Variants in RBFOX2 observed in about 807,000 individuals in gnomAD.
RBFOX2 encodes RNA binding protein fox-1 homolog 2.
In RBFOX2, 10 loss-of-function variants were observed where a neutral mutation model predicts 49.1. That is an observed-to-expected ratio of 0.20 (90% CI 0.13 to 0.35). The LOEUF (loss-of-function observed/expected upper bound fraction) is 0.35, where lower values mean the gene tolerates loss of function less well. Ranked by LOEUF, RBFOX2 falls within the 10% of genes least tolerant of loss-of-function variation. The probability of loss-of-function intolerance (pLI) is 1.00; values close to 1 mark genes in which losing one functional copy is unlikely to be tolerated. For missense variants in RBFOX2, 323 were observed against 486.9 expected (o/e 0.66, Z 3.17); for synonymous variants, 183 against 187.4 (o/e 0.98, Z 0.19).
exon 2 of RBFOX2, chr22:35,809,801 G>A: frequency 1.9e-6 from 3 of 1,613,900 alleles, no homozygotes; most frequent in Non-Finnish European, 2.5e-6. Flanking sequence ...CATTTTGTGT[G>A]CTGGGTGAGT....
intron 1 of RBFOX2, among the ~76,000 whole-genome samples, chr22:35,899,059 G>A (rs576988508): frequency 9.2e-5 from 14 of 151,878 alleles, no homozygotes; most frequent in Admixed American, 2.6e-4. Flanking sequence ...CAGAGGTTGC[G>A]GTGAGCCGAG....
In RBFOX2 at chr22:35,930,132, G is replaced by A. The variant is rs539190188; in HGVS notation, c.-34+8715C>T. On this transcript the variant is annotated intron_variant, in intron 1 of 13. Coordinates refer to the RBFOX2 transcript ENST00000359369. ...CGCCTCCTGGGTTCAAGCGATTCTC[G>A]TGCCTCAGCTCCCAAGTAGCTGGGA... Among the ~76,000 whole-genome samples, 4 of 146,808 alleles carry A rather than the reference G, an allele frequency of 2.7e-5. No individual in the cohort carries two copies. In the South Asian group the frequency reaches 8.5e-4, roughly 31 times the overall value.
At chr22:36,006,801 A>G (rs1469626083) in intron 1 of RBFOX2, among the ~76,000 whole-genome samples, 1 of 152,170 alleles carries the variant, frequency 6.6e-6, no homozygotes, top group African/African-American at 2.4e-5. Flanking sequence ...CTTCTGCAGA[A>G]TGTTCTCCAA....
chr22:35,907,031 T>C (rs893854186), intron 1 of RBFOX2, among the ~76,000 whole-genome samples: 1 of 152,200 alleles, frequency 6.6e-6, no homozygotes, highest in African/African-American at 2.4e-5. Flanking sequence ...TTGGAAAACA[T>C]GGCAAAGACT....
intron 2 of RBFOX2, among the ~76,000 whole-genome samples, chr22:35,782,737 G>T (rs981452540): frequency 1.4e-4 from 21 of 152,186 alleles, no homozygotes; most frequent in Non-Finnish European, 2.9e-5. Flanking sequence ...TGCATTGAGA[G>T]AATCTAACTG....
chr22:35,849,451 T>A (rs1569380421), intron 1 of RBFOX2, among the ~76,000 whole-genome samples: 1 of 152,130 alleles, frequency 6.6e-6, no homozygotes, highest in Non-Finnish European at 1.5e-5. Context: ...CAAAAAGCAC[T>A]GGGAAAGCTA....
upstream of RBFOX2, among the ~76,000 whole-genome samples, chr22:35,842,318 G>A (rs1382095413): frequency 6.6e-6 from 1 of 152,060 alleles, no homozygotes; most frequent in Non-Finnish European, 1.5e-5. Flanking sequence ...TAGGAAAAAC[G>A]CTGAGTAAAG....
At chr22:35,855,013 T>C (rs2042351656) in intron 1 of RBFOX2, among the ~76,000 whole-genome samples, 1 of 152,200 alleles carries the variant, frequency 6.6e-6, no homozygotes, top group African/African-American at 2.4e-5. Flanking sequence ...AGAAATTCCA[T>C]GCATGGATCA....
chr22:35,812,871 C>A (rs1478806637), intron 1 of RBFOX2, among the ~76,000 whole-genome samples: 2 of 152,204 alleles, frequency 1.3e-5, no homozygotes, highest in African/African-American at 4.8e-5. Context: ...AGTATGAATT[C>A]TCTCACAGCG....
intron 1 of RBFOX2, among the ~76,000 whole-genome samples, chr22:35,881,429 A>G (rs1274101693): frequency 6.6e-6 from 1 of 151,890 alleles, no homozygotes; most frequent in African/African-American, 2.4e-5. Context: ...AAATAAATAA[A>G]AATACAAAAA....
At chr22:35,937,273 G>A (rs895155195) in intron 1 of RBFOX2, among the ~76,000 whole-genome samples, 2 of 152,182 alleles carry the variant, frequency 1.3e-5, no homozygotes, top group Non-Finnish European at 2.9e-5. Context: ...CCAGCTTAGA[G>A]AAGCTCTAGG....
intron 1 of RBFOX2, 122 bp downstream of exon 1, chr22:36,028,118 C>T: frequency 2.3e-6 from 3 of 1,297,478 alleles, no homozygotes; most frequent in Non-Finnish European, 2.9e-6. Flanking sequence ...CCCCGAATGG[C>T]CCCCCATCCC....
In RBFOX2 at chr22:35,749,218, T is replaced by C. The variant is rs988978728; in HGVS notation, c.888-2657A>G. 9.2e-5 allele frequency among the ~76,000 whole-genome samples: 14 copies of C among 152,114 alleles called. No individual in the cohort carries two copies. The highest frequency in any genetic ancestry group is 3.4e-4 in the African/African-American group (14 of 41,420). On this transcript the variant is annotated intron_variant, in intron 9 of 11. Coordinates refer to ENST00000405409, the Ensembl canonical transcript of RBFOX2. The surrounding 1 kb of genome is among the most constrained non-coding windows in gnomAD (Gnocchi z 4.1). ...ATGATGAAGTTCTCTGCTTTTCAAG[T>C]GGAAGAAAACAGAACAGGGTTGGCA...
intron 2 of RBFOX2, among the ~76,000 whole-genome samples, chr22:35,793,104 G>T (rs1948096511): frequency 6.6e-6 from 1 of 152,198 alleles, no homozygotes; most frequent in African/African-American, 2.4e-5. Context: ...GGGTGCAATG[G>T]CTCACGCCTG....
intron 11 of RBFOX2, among the ~76,000 whole-genome samples, chr22:35,745,612 A>G (rs1017611283): frequency 2.0e-5 from 3 of 152,200 alleles, no homozygotes; most frequent in Admixed American, 2.0e-4. Flanking sequence ...TGCCACAGGT[A>G]TGCACTCAAC....
rs1273650823 is a variant in RBFOX2 at position 35,838,991 on chromosome 22, T to C, written c.27+1201A>G. On this transcript the variant is annotated intron_variant, in intron 1 of 11. Coordinates refer to ENST00000405409, the Ensembl canonical transcript of RBFOX2. ...AAAATGATGCCTCCATCCTGATAAC[T>C]AGCTGGCTCTCTCGCCCTCCGGTGG... is the stretch of plus-strand genomic sequence containing the variant. Among the ~76,000 whole-genome samples, 4 of 152,218 alleles carry C rather than the reference T, an allele frequency of 2.6e-5. No homozygotes were observed. In the East Asian group the frequency reaches 7.7e-4, roughly 29 times the overall value.
At position 35,835,025 on chromosome 22, in the gene RBFOX2, A is replaced by C. The variant is rs571463581; in HGVS notation, c.27+5167T>G. On this transcript the variant is annotated intron_variant, in intron 1 of 11. Coordinates refer to ENST00000405409, the Ensembl canonical transcript of RBFOX2. ...ATACATTGTGATGGCAGAATGCAGC[A>C]TTTCTCACTGCCTAGAAGAGGTTGA... Among the ~76,000 whole-genome samples the C allele has an allele frequency of 6.6e-5, 10 of 152,348 alleles. No homozygotes were observed. The South Asian group carries it at 2.1e-3, about 32-fold the overall frequency.
At chr22:35,915,065 C>A (rs2050254035) in intron 1 of RBFOX2, among the ~76,000 whole-genome samples, 6 of 152,198 alleles carry the variant, frequency 3.9e-5, no homozygotes. Context: ...GAGAAACCAG[C>A]CTGCTTGCTT....
chr22:35,893,117 G>A (rs1189306591), intron 1 of RBFOX2, among the ~76,000 whole-genome samples: 1 of 152,230 alleles, frequency 6.6e-6, no homozygotes, highest in African/African-American at 2.4e-5. Flanking sequence ...AAGCCTTCAG[G>A]TGTCATGGCA....
Sources: gnomAD v4.1 joint callset for allele counts (sites outside exome capture counted in the v4.1 genomes callset) on GRCh38, gnomAD v4.1.1 for gene constraint, Gnocchi (gnomAD v3.1) non-coding constraint, MANE v1.5 for transcripts, NCBI Gene and HGNC (gene_info 2026-07-23, HGNC 2026-07-21) for gene names.